Variants in PPM1E observed in about 807,000 individuals in gnomAD.
PPM1E encodes protein phosphatase 1E.
In PPM1E, 20 loss-of-function variants were observed where a neutral mutation model predicts 65.9. The observed-to-expected ratio is 0.30, with a 90% CI of 0.21 to 0.44. The LOEUF (loss-of-function observed/expected upper bound fraction) is 0.44. Among genes scored for constraint, PPM1E ranks in the 20% least tolerant of loss-of-function variants. PPM1E has a pLI of 1.00. For synonymous variants in PPM1E, 352 were observed against 374.9 expected, an observed-to-expected ratio of 0.94 and a Z score of 0.70; for missense variants, 713 against 953.1, an observed-to-expected ratio of 0.75 and a Z score of 3.32.
At chr17:58,801,485 A>G (rs1022579111) in intron 1 of PPM1E, among the ~76,000 whole-genome samples, 2 of 125,200 alleles carry the variant, frequency 1.6e-5, no homozygotes, top group Non-Finnish European at 3.2e-5. Flanking sequence ...TCTATTGCCT[A>G]GACTGGAATG....
chr17:58,894,479 G>T (rs186121100), intron 1 of PPM1E, among the ~76,000 whole-genome samples: 1 of 152,176 alleles, frequency 6.6e-6, no homozygotes, highest in African/African-American at 2.4e-5. Flanking sequence ...ACACTGCATG[G>T]ATTTGGATTT....
At chr17:58,934,160 T>C (rs1190813169) in intron 1 of PPM1E, among the ~76,000 whole-genome samples, 1 of 151,674 alleles carries the variant, frequency 6.6e-6, no homozygotes, top group Non-Finnish European at 1.5e-5. Flanking sequence ...TGATAGCCTC[T>C]GCAGCTTAGA....
At chr17:58,885,038 T>A (rs1309253916) in intron 1 of PPM1E, among the ~76,000 whole-genome samples, 1 of 152,142 alleles carries the variant, frequency 6.6e-6, no homozygotes, top group Admixed American at 6.6e-5. Context: ...CTCTGCTTAA[T>A]GTCTTATTTT....
chr17:58,812,254 A>G (rs1262356996), intron 1 of PPM1E, among the ~76,000 whole-genome samples: 1 of 142,200 alleles, frequency 7.0e-6, no homozygotes, highest in Non-Finnish European at 1.5e-5. Context: ...TAACGAGCCC[A>G]CATTGCGCCA....
chr17:58,839,020 A>C (rs963529785), intron 1 of PPM1E, among the ~76,000 whole-genome samples: 12 of 151,390 alleles, frequency 7.9e-5, no homozygotes, highest in Non-Finnish European at 1.8e-4. Context: ...TGTGGACAGT[A>C]GTGAGGGAGG....
chr17:58,805,962 AAAAAAAAAAAACAAAAAAAAAACAAAAC>A (rs1216180507), intron 1 of PPM1E, among the ~76,000 whole-genome samples: 14 of 86,932 alleles, frequency 1.6e-4, no homozygotes, highest in Non-Finnish European at 2.7e-4. Flanking sequence ...AAAAAAAAAC[AAAAAAAAAAAACAAAAAAAAAACAAAAC>A]AAAACAAAAC....
chr17:58,844,156 A>G (rs2143231118), intron 1 of PPM1E, among the ~76,000 whole-genome samples: 1 of 152,290 alleles, frequency 6.6e-6, no homozygotes, highest in Non-Finnish European at 1.5e-5. Context: ...ATATTAGAGA[A>G]TTTCACTTAT....
At chr17:58,799,096 A>C (rs563898972) in intron 1 of PPM1E, among the ~76,000 whole-genome samples, 1 of 152,144 alleles carries the variant, frequency 6.6e-6, no homozygotes, top group Admixed American at 6.6e-5. Context: ...TTATTTTCCC[A>C]TCTAGATATC....
intron 1 of PPM1E, among the ~76,000 whole-genome samples, chr17:58,873,383 C>G (rs940382363): frequency 6.6e-6 from 1 of 151,924 alleles, no homozygotes; most frequent in East Asian, 1.9e-4. Flanking sequence ...AGAAACTACA[C>G]CAATTTGAGT....
chr17:58,790,226 T>C (rs913244970), intron 1 of PPM1E, among the ~76,000 whole-genome samples: 2 of 152,080 alleles, frequency 1.3e-5, no homozygotes, highest in African/African-American at 4.8e-5. Context: ...GCCTAGCTAA[T>C]TAAAATTTTT....
At chr17:58,965,437 T>C (rs558087133) in intron 2 of PPM1E, among the ~76,000 whole-genome samples, 1 of 152,208 alleles carries the variant, frequency 6.6e-6, no homozygotes, top group African/African-American at 2.4e-5. Flanking sequence ...AAGCCAGGAA[T>C]AGGTCCAGCC....
At chr17:58,815,864 G>T (rs570750122) in intron 1 of PPM1E, among the ~76,000 whole-genome samples, 1 of 151,470 alleles carries the variant, frequency 6.6e-6, no homozygotes, top group African/African-American at 2.4e-5. Flanking sequence ...TGGAATAAAG[G>T]GTTTCCTATT....
Position 58,982,788 on chromosome 17 carries a change from C to A in PPM1E, c.*1757C>A. ...TGGTTGAAAAGGAGTCAACATGGCC[C>A]CAACTATAGTGCCGGAACCTTTTCA... is the stretch of plus-strand genomic sequence containing the variant. On this transcript the variant is annotated 3_prime_UTR_variant, in exon 7 of 7. Coordinates refer to ENST00000308249, the MANE Select transcript of PPM1E (RefSeq NM_014906.5). The A allele has an allele frequency of 3.7e-6, 3 of 810,836 alleles. No homozygotes were observed. Among genetic ancestry groups the A allele is most frequent in the Non-Finnish European group, 5.8e-6 (3 of 520,450 alleles). 50.2% of individuals were successfully genotyped at this position (810,836 alleles called of 1,614,324 possible).
intron 1 of PPM1E, among the ~76,000 whole-genome samples, chr17:58,904,226 G>C (rs1437178881): frequency 6.6e-6 from 1 of 152,164 alleles, no homozygotes; most frequent in Non-Finnish European, 1.5e-5. Flanking sequence ...TTGCTTAGCA[G>C]GGTTGGCATG....
intron 1 of PPM1E, among the ~76,000 whole-genome samples, chr17:58,830,292 GTTA>G (rs376605107): frequency 0.24 from 35,571 of 146,712 alleles, 5,010 homozygotes; most frequent in Middle Eastern, 0.41. Context: ...TGTTGTTGTT[GTTA>G]TTATTATTAT....
At chr17:58,962,551 G>A (rs529551383) in intron 2 of PPM1E, among the ~76,000 whole-genome samples, 1 of 152,254 alleles carries the variant, frequency 6.6e-6, no homozygotes, top group African/African-American at 2.4e-5. Context: ...GCATTTGGGG[G>A]CCTATACTGC....
At chr17:58,801,318 A>G (rs1244401326) in intron 1 of PPM1E, among the ~76,000 whole-genome samples, 1 of 152,026 alleles carries the variant, frequency 6.6e-6, no homozygotes, top group Non-Finnish European at 1.5e-5. Flanking sequence ...ATAGTTTGAA[A>G]CTTGTTTGAC....
intron 1 of PPM1E, among the ~76,000 whole-genome samples, chr17:58,918,805 C>CAAAAAAAAAAAAAAAAAAAAAAAAAA (rs71143301): frequency 4.0e-5 from 3 of 75,818 alleles, no homozygotes; most frequent in Non-Finnish European, 6.7e-5. Context: ...GACTCCGTCT[C>CAAAAAAAAAAAAAAAAAAAAAAAAAA]AAAAAAAAAA....
At chr17:58,948,836 G>GTTAT (rs961604265) in intron 1 of PPM1E, among the ~76,000 whole-genome samples, 15 of 152,140 alleles carry the variant, frequency 9.9e-5, no homozygotes, top group African/African-American at 3.6e-4. Context: ...TGTTTCACTT[G>GTTAT]TTATTGGTTT....
Sources: allele counts gnomAD v4.1 joint callset (sites outside exome capture counted in the v4.1 genomes callset), GRCh38; gene constraint gnomAD v4.1.1; transcripts MANE v1.5; gene names NCBI Gene and HGNC (gene_info 2026-07-23, HGNC 2026-07-21).